PCM1: variants seen among roughly 807,000 people sequenced by gnomAD.
The protein encoded by PCM1 is pericentriolar material 1 protein.
PCM1 carries 157 observed loss-of-function variants against 241.9 expected under a neutral mutation model. The observed-to-expected ratio is 0.65, with a 90% CI of 0.57 to 0.74. PCM1 has a LOEUF of 0.74. PCM1 is among the 30% of genes least tolerant of loss of function. The pLI, the probability that PCM1 is intolerant of heterozygous loss-of-function variation, is 0.00. For synonymous variants in PCM1, 1,085 were observed against 784.9 expected, an observed-to-expected ratio of 1.38 and a Z score of -6.39; for missense variants, 3,478 against 2,360.1, an observed-to-expected ratio of 1.47 and a Z score of -9.81.
chr8:17,972,454 G>C lies in PCM1; in HGVS notation c.3710G>C (p.Ser1237Thr). The change falls in exon 23 of 39, where the codon AGT becomes ACT. Residue 1237 changes from serine (S) to threonine (T), a missense_variant. By Grantham distance (58) the Ser-to-Thr change is moderately conservative (BLOSUM62 1). Coordinates refer to ENST00000325083, the MANE Select transcript of PCM1 (RefSeq NM_006197.4). ...TCAGTGTCTGTAGAAAAATCTACAA[G>C]TAGTAACCGCAAAAATCAATTAGAT... ...GFSVSVEKST[S>T]SNRKNQLDTN... 1.2e-6 allele frequency: 2 copies of C among 1,613,474 alleles called. No individual in the cohort carries two copies. The highest frequency in any genetic ancestry group is 1.7e-6 in the Non-Finnish European group (2 of 1,179,630).
intron 13 of PCM1, among the ~76,000 whole-genome samples, chr8:17,958,676 A>G (rs983563187): frequency 7.2e-5 from 11 of 152,132 alleles, no homozygotes; most frequent in Admixed American, 4.6e-4. Flanking sequence ...GAATTACTCA[A>G]GTAAAAGGTG....
At position 17,962,157 on chromosome 8, in the gene PCM1, TC is replaced by T; in HGVS notation, c.2447del (p.Ser816Ter). On this transcript the variant is annotated frameshift_variant, in exon 16 of 39. Coordinates refer to ENST00000325083, the MANE Select transcript of PCM1 (RefSeq NM_006197.4). LOFTEE classifies it high-confidence loss of function. ...SKSVFEPEDSSIVDNELWSEM... is the reference protein window; with the variant it reads ...SKSVFEPEDSXIVDNELWSEM... ...ATCTGTTTTTGAGCCTGAAGATTCT[TC>T]AATAGTAGATAATGAGGTATTGTAA... is the stretch of plus-strand genomic sequence containing the variant. 6.2e-7 allele frequency: 1 copy of T among 1,606,360 alleles called. No homozygotes were observed. Among genetic ancestry groups the T allele is most frequent in the South Asian group, 1.1e-5 (1 of 89,978 alleles).
intron 30 of PCM1, among the ~76,000 whole-genome samples, chr8:18,008,195 A>G (rs1420293127): frequency 6.6e-6 from 1 of 152,070 alleles, no homozygotes; most frequent in Admixed American, 6.6e-5. Context: ...CACGGCTCTC[A>G]TTACCGCCTG....
intron 29 of PCM1, among the ~76,000 whole-genome samples, chr8:17,994,451 T>C (rs1412588096): frequency 6.6e-6 from 1 of 152,210 alleles, no homozygotes; most frequent in Non-Finnish European, 1.5e-5. Flanking sequence ...ACACTTAGGT[T>C]GCTTCCAAAT....
chr8:17,965,953 C>G (rs528766139), intron 18 of PCM1, 46 bp from the exon 19 acceptor site: 4 of 1,437,524 alleles, frequency 2.8e-6, no homozygotes, highest in East Asian at 4.6e-5. Context: ...ATTTTAAAAA[C>G]CAAATTATTA....
intron 2 of PCM1, among the ~76,000 whole-genome samples, chr8:17,932,811 TTC>T: frequency 6.6e-6 from 1 of 152,324 alleles, no homozygotes; most frequent in African/African-American, 2.4e-5. Context: ...ATGTTTAAAA[TTC>T]TGTTTTAATC....
chr8:18,025,893 G>C (rs188296997), intron 38 of PCM1, among the ~76,000 whole-genome samples: 1 of 151,984 alleles, frequency 6.6e-6, no homozygotes, highest in East Asian at 1.9e-4. Context: ...GGCTGGGCGC[G>C]GTGGCTCACG....
chr8:17,935,998 T>C (rs1398513358), intron 3 of PCM1, among the ~76,000 whole-genome samples: 1 of 152,186 alleles, frequency 6.6e-6, no homozygotes, highest in East Asian at 1.9e-4. Context: ...ATTGGGAAAT[T>C]ATCAAGAATT....
chr8:17,998,649 A>G (rs901107709), intron 29 of PCM1, among the ~76,000 whole-genome samples: 1 of 152,086 alleles, frequency 6.6e-6, no homozygotes, highest in Non-Finnish European at 1.5e-5. Context: ...CTTGCCCAAG[A>G]CCCTCTGTAA....
chr8:17,938,112 TAA>T (rs1176037359), intron 4 of PCM1, among the ~76,000 whole-genome samples: 1 of 152,108 alleles, frequency 6.6e-6, no homozygotes, highest in African/African-American at 2.4e-5. Context: ...CAATATGAGT[TAA>T]AGTGTGATCC....
intron 30 of PCM1, among the ~76,000 whole-genome samples, chr8:18,006,837 G>C (rs1399396426): frequency 6.6e-6 from 1 of 152,156 alleles, no homozygotes; most frequent in Non-Finnish European, 1.5e-5. Flanking sequence ...GTCAGTAACT[G>C]GGAGAGAATT....
At chr8:18,006,486 C>T (rs1588344197) in intron 30 of PCM1, 89 bp downstream of exon 30, 3 of 816,754 alleles carry the variant, frequency 3.7e-6, no homozygotes, top group Non-Finnish European at 6.1e-6. Flanking sequence ...TCTTGCATTA[C>T]ACAATTTATT....
chr8:18,012,786 C>A (rs936416010), intron 34 of PCM1, among the ~76,000 whole-genome samples: 1 of 152,122 alleles, frequency 6.6e-6, no homozygotes, highest in African/African-American at 2.4e-5. Context: ...ATTTTCTCCT[C>A]TTTTCCTTAT....
Position 17,962,136 on chromosome 8 carries a change from GT to G in PCM1, c.2430del (p.Phe810LeufsTer8). 6.2e-7 allele frequency: 1 copy of G among 1,609,258 alleles called. No homozygotes were observed. Among genetic ancestry groups the G allele is most frequent in the Non-Finnish European group, 8.5e-7 (1 of 1,177,190 alleles). ...ACACGAGACCAGTACAAGCAAATCT[GT>G]TTTTGAGCCTGAAGATTCTTCAATA... is the stretch of plus-strand genomic sequence containing the variant. ...NQHETSTSKS[V>X]FEPEDSSIVD... On this transcript the variant is annotated frameshift_variant, in exon 16 of 39. Coordinates refer to ENST00000325083, the MANE Select transcript of PCM1 (RefSeq NM_006197.4). LOFTEE classifies it high-confidence loss of function.
At chr8:18,018,866 AT>A (rs1157276219) in intron 36 of PCM1, among the ~76,000 whole-genome samples, 1 of 66,118 alleles carries the variant, frequency 1.5e-5, no homozygotes, top group Non-Finnish European at 3.4e-5. Flanking sequence ...ATATATATAT[AT>A]ATATATATAT....
At chr8:17,949,345 A>G (rs180803818) in intron 7 of PCM1, among the ~76,000 whole-genome samples, 6 of 152,238 alleles carry the variant, frequency 3.9e-5, no homozygotes, top group East Asian at 1.9e-4. Flanking sequence ...AACAAGTTAC[A>G]TATAATTACT....
At chr8:17,984,354 T>C (rs1049883813) in intron 24 of PCM1, among the ~76,000 whole-genome samples, 2 of 151,970 alleles carry the variant, frequency 1.3e-5, no homozygotes, top group Non-Finnish European at 2.9e-5. Flanking sequence ...AGAGATAATT[T>C]TGGTTCCTGC....
chr8:17,990,317 GTTAA>G (rs2129478267), intron 27 of PCM1, among the ~76,000 whole-genome samples: 1 of 152,056 alleles, frequency 6.6e-6, no homozygotes, highest in Admixed American at 6.6e-5. Context: ...AGGTCATCTA[GTTAA>G]TTCATGGGAA....
At chr8:17,994,624 C>T (rs963436762) in intron 29 of PCM1, among the ~76,000 whole-genome samples, 12 of 152,286 alleles carry the variant, frequency 7.9e-5, no homozygotes, top group Admixed American at 2.6e-4. Flanking sequence ...AAACTGTTCT[C>T]CAGAGGGGTT....
Sources: allele counts gnomAD v4.1 joint callset (sites outside exome capture counted in the v4.1 genomes callset), GRCh38; gene constraint gnomAD v4.1.1; transcripts MANE v1.5; gene names NCBI Gene and HGNC (gene_info 2026-07-23, HGNC 2026-07-21).